Variants in RANBP17 observed in about 807,000 individuals in gnomAD.
RANBP17 encodes the protein RAN binding protein 17.
Under a neutral mutation model 141.2 loss-of-function variants are expected in RANBP17, and 158 were observed. That is an observed-to-expected ratio of 1.12 (90% CI 0.98 to 1.28). The LOEUF is 1.28. Ranked by LOEUF, RANBP17 falls within the 50% of genes most tolerant of loss-of-function variation. RANBP17 has a pLI of 0.00. For synonymous variants in RANBP17, 430 were observed against 450.0 expected, an observed-to-expected ratio of 0.96 and a Z score of 0.56; for missense variants, 1,438 against 1,290.7, an observed-to-expected ratio of 1.11 and a Z score of -1.75.
At chr5:171,033,210 CT>C (rs1781660184) in intron 14 of RANBP17, among the ~76,000 whole-genome samples, 1 of 152,050 alleles carries the variant, frequency 6.6e-6, no homozygotes, top group South Asian at 2.1e-4. Flanking sequence ...AAGCTTTAAA[CT>C]TTAGGCTATT....
chr5:171,228,776 C>T (rs77294213), intron 22 of RANBP17, among the ~76,000 whole-genome samples: 3 of 152,072 alleles, frequency 2.0e-5, no homozygotes, highest in East Asian at 1.9e-4. Context: ...ACCAGGAAAA[C>T]GATTACAACT....
intron 20 of RANBP17, among the ~76,000 whole-genome samples, chr5:171,210,400 T>C (rs746612406): frequency 2.0e-5 from 3 of 152,174 alleles, no homozygotes; most frequent in Non-Finnish European, 2.9e-5. Flanking sequence ...CATCCCCTTA[T>C]ATCTCCCTGC....
At chr5:171,088,868 AT>A (rs1427540926) in intron 14 of RANBP17, among the ~76,000 whole-genome samples, 5 of 151,790 alleles carry the variant, frequency 3.3e-5, no homozygotes, top group Non-Finnish European at 7.4e-5. Flanking sequence ...ATTCATCTAA[AT>A]TTTTTTCAAA....
intron 14 of RANBP17, among the ~76,000 whole-genome samples, chr5:171,051,820 G>C (rs764873326): frequency 7.2e-5 from 11 of 152,096 alleles, no homozygotes; most frequent in East Asian, 1.9e-4. Flanking sequence ...TATTTTCCAT[G>C]ATGGCCACAC....
chr5:171,135,170 C>T (rs1319106148), intron 14 of RANBP17, among the ~76,000 whole-genome samples: 1 of 151,306 alleles, frequency 6.6e-6, no homozygotes, highest in African/African-American at 2.4e-5. Context: ...ATCCCAGCTA[C>T]CCGGGAGGCT....
At chr5:171,057,763 G>A (rs1783502630) in intron 14 of RANBP17, among the ~76,000 whole-genome samples, 2 of 152,114 alleles carry the variant, frequency 1.3e-5, no homozygotes, top group Admixed American at 1.3e-4. Flanking sequence ...AGGGTAGCAT[G>A]ATGGAGGGAG....
At chr5:170,956,399 A>G (rs997662598) in intron 13 of RANBP17, among the ~76,000 whole-genome samples, 3 of 151,998 alleles carry the variant, frequency 2.0e-5, no homozygotes, top group Admixed American at 6.6e-5. Context: ...CCTTTAAACT[A>G]TTTCTTCAAT....
chr5:171,188,537 T>C (rs1407325344), intron 18 of RANBP17, among the ~76,000 whole-genome samples: 2 of 152,224 alleles, frequency 1.3e-5, no homozygotes, highest in Admixed American at 1.3e-4. Context: ...AACATTTGTC[T>C]GGACTTAATT....
At chr5:170,870,285 G>A (rs895931355) in intron 1 of RANBP17, among the ~76,000 whole-genome samples, 1 of 152,100 alleles carries the variant, frequency 6.6e-6, no homozygotes, top group Non-Finnish European at 1.5e-5. Flanking sequence ...CATGTGCCGT[G>A]GTGGTTTGCC....
At chr5:170,923,106 T>C (rs1772611769) in intron 11 of RANBP17, among the ~76,000 whole-genome samples, 1 of 152,226 alleles carries the variant, frequency 6.6e-6, no homozygotes, top group Non-Finnish European at 1.5e-5. Flanking sequence ...ATTTTTCTTT[T>C]ATTTTCCCTT....
intron 24 of RANBP17, among the ~76,000 whole-genome samples, chr5:171,250,150 A>G (rs1366236828): frequency 6.6e-6 from 1 of 152,212 alleles, no homozygotes; most frequent in Non-Finnish European, 1.5e-5. Context: ...TACTACATCC[A>G]GTAAAATTAA....
chr5:171,127,767 A>G (rs1756590512), intron 14 of RANBP17, among the ~76,000 whole-genome samples: 1 of 152,252 alleles, frequency 6.6e-6, no homozygotes, highest in African/African-American at 2.4e-5. Context: ...GATGTTAATT[A>G]GTACAACCAT....
chr5:171,213,337 T>C (rs1169611467), intron 20 of RANBP17, among the ~76,000 whole-genome samples: 1 of 152,208 alleles, frequency 6.6e-6, no homozygotes, highest in Non-Finnish European at 1.5e-5. Flanking sequence ...GCTTATATGA[T>C]ACTTTAAAAA....
At chr5:171,254,018 C>T (rs181266225) in intron 24 of RANBP17, among the ~76,000 whole-genome samples, 30 of 152,188 alleles carry the variant, frequency 2.0e-4, no homozygotes, top group African/African-American at 5.5e-4. Context: ...GAGGCCGAGG[C>T]GGGTGGATCA....
chr5:171,050,676 G>A (rs1782897355), intron 14 of RANBP17, among the ~76,000 whole-genome samples: 1 of 151,680 alleles, frequency 6.6e-6, no homozygotes, highest in South Asian at 2.1e-4. Context: ...GTGACAGAGT[G>A]AGACCCTATC....
chr5:171,258,398 A>T (rs1035254963), intron 24 of RANBP17, among the ~76,000 whole-genome samples: 2 of 152,128 alleles, frequency 1.3e-5, no homozygotes, highest in Non-Finnish European at 2.9e-5. Flanking sequence ...ATTCATGTGG[A>T]ACCATAAAAG....
At chr5:170,933,807 A>G (rs1773618697) in intron 12 of RANBP17, among the ~76,000 whole-genome samples, 1 of 152,048 alleles carries the variant, frequency 6.6e-6, no homozygotes, top group South Asian at 2.1e-4. Flanking sequence ...GTTCTTTTAC[A>G]TTTGCTGAGG....
chr5:171,103,731 G>A (rs536602375), intron 14 of RANBP17, among the ~76,000 whole-genome samples: 11 of 152,296 alleles, frequency 7.2e-5, no homozygotes, highest in African/African-American at 2.6e-4. Flanking sequence ...CCCTGGTGGT[G>A]TAGGCACCCG....
At chr5:171,283,263 C>T (rs143266801) in intron 25 of RANBP17, among the ~76,000 whole-genome samples, 1 of 152,160 alleles carries the variant, frequency 6.6e-6, no homozygotes, top group East Asian at 1.9e-4. Context: ...CTCCCCTACT[C>T]AACTGTAAGC....
Sources: allele counts gnomAD v4.1 joint callset (sites outside exome capture counted in the v4.1 genomes callset), GRCh38; gene constraint gnomAD v4.1.1; transcripts MANE v1.5; gene names NCBI Gene and HGNC (gene_info 2026-07-23, HGNC 2026-07-21).